Variants in SEM1 observed in about 807,000 individuals in gnomAD.
SEM1 encodes the protein SEM1 26S proteasome subunit.
In SEM1, 3 loss-of-function variants were observed where a neutral mutation model predicts 12.7. The observed-to-expected ratio is 0.24, with a 90% CI of 0.11 to 0.61. The LOEUF (loss-of-function observed/expected upper bound fraction) is 0.61. Ranked by LOEUF, SEM1 falls within the 20% of genes least tolerant of loss-of-function variation. The pLI is 0.88. For missense variants in SEM1, 59 were observed against 81.3 expected (o/e 0.73, Z 1.06); for synonymous variants, 30 against 27.8 (o/e 1.08, Z -0.25).
Position 96,572,963 on chromosome 7 carries a change from C to T in SEM1, c.171-66265G>A, listed in dbSNP as rs529011809. On this transcript the variant is annotated intron_variant and NMD_transcript_variant, in intron 2 of 3. Coordinates refer to the SEM1 transcript ENST00000466986. ...AGAACATGCTTTATGAATCTGGGTGCTCCTGTATAGGGTGCATATATATTT... is the reference window on the plus strand; with the variant it reads ...AGAACATGCTTTATGAATCTGGGTGTTCCTGTATAGGGTGCATATATATTT... Among the ~76,000 whole-genome samples, 5 of 152,314 alleles carry T rather than the reference C, an allele frequency of 3.3e-5. No individual in the cohort carries two copies. The South Asian group carries it at 1.0e-3, about 32-fold the overall frequency.
intron 2 of SEM1, among the ~76,000 whole-genome samples, chr7:96,531,605 GGA>G (rs1804644251): frequency 3.2e-5 from 1 of 30,992 alleles, no homozygotes; most frequent in African/African-American, 4.9e-5. Context: ...GACTCTGTGT[GGA>G]AAAAAAAAAA....
downstream of SEM1, among the ~76,000 whole-genome samples, chr7:96,671,066 T>C (rs1789302931): frequency 6.6e-6 from 1 of 152,196 alleles, no homozygotes; most frequent in Non-Finnish European, 1.5e-5. Flanking sequence ...TTGGGAATAA[T>C]AAACTGCATT....
Position 96,572,881 on chromosome 7 carries a change from G to A in SEM1, c.171-66183C>T, listed in dbSNP as rs10278008. On this transcript the variant is annotated intron_variant and NMD_transcript_variant, in intron 2 of 3. Transcript: ENST00000466986. The stretch of plus-strand genomic sequence containing the variant: ...TGATCTGTCTAATATTGACAGTAGG[G>A]TGTTAAAGTCTCCCACTATTATTTT... Among the ~76,000 whole-genome samples the A allele has an allele frequency of 7.0e-3, 1,073 of 152,236 alleles. 11 individuals are homozygous for A. The highest frequency in any genetic ancestry group is 0.025 in the African/African-American group (1,035 of 41,526).
chr7:96,657,641 G>A (rs957765159), intron 2 of SEM1, among the ~76,000 whole-genome samples: 6 of 152,176 alleles, frequency 3.9e-5, no homozygotes, highest in Non-Finnish European at 8.8e-5. Context: ...AAAGGTAAGA[G>A]TTTAATTAGG....
chr7:96,630,643 C>T (rs1030788531), intron 2 of SEM1, among the ~76,000 whole-genome samples: 1 of 152,148 alleles, frequency 6.6e-6, no homozygotes, highest in Non-Finnish European at 1.5e-5. Flanking sequence ...CAAGGTGGCA[C>T]CTAAGGTGCA....
At chr7:96,673,912 C>T (rs1046932279) in intron 2 of SEM1, 11 of 750,946 alleles carry the variant, frequency 1.5e-5, no homozygotes, top group African/African-American at 1.4e-4. Flanking sequence ...CCACTGTGAT[C>T]TGTGGGCTGC....
At chr7:96,596,553 T>TCC in intron 2 of SEM1, among the ~76,000 whole-genome samples, 1 of 152,136 alleles carries the variant, frequency 6.6e-6, no homozygotes, top group East Asian at 1.9e-4. Flanking sequence ...CAGCCTATTT[T>TCC]CTCCCCGGGT....
Position 96,706,808 on chromosome 7 carries a change from T to C in SEM1, c.76+2880A>G, listed in dbSNP as rs114932917. Among the ~76,000 whole-genome samples the C allele has an allele frequency of 4.5e-3, 688 of 152,262 alleles. 4 individuals carry two copies. Among genetic ancestry groups the C allele is most frequent in the African/African-American group, 0.016 (652 of 41,564 alleles). ...TTACCCGAGAGTGGATAAAATCCAC[T>C]TTCTGGAGCACTGACACTCAACAAA... On this transcript the variant is annotated intron_variant, in intron 1 of 2. Coordinates refer to ENST00000248566, the MANE Select transcript of SEM1 (RefSeq NM_006304.2).
At chr7:96,602,563 C>T (rs904831493) in intron 2 of SEM1, among the ~76,000 whole-genome samples, 1 of 152,168 alleles carries the variant, frequency 6.6e-6, no homozygotes, top group East Asian at 1.9e-4. Flanking sequence ...TATGCCCATG[C>T]ATATAGATAT....
chr7:96,619,696 G>C (rs1563085457), downstream of SEM1, among the ~76,000 whole-genome samples: 1 of 152,008 alleles, frequency 6.6e-6, no homozygotes, highest in Non-Finnish European at 1.5e-5. Flanking sequence ...CAACCACCGG[G>C]ACCCAAGCAG....
intron 2 of SEM1, among the ~76,000 whole-genome samples, chr7:96,594,105 T>G (rs1806921606): frequency 6.6e-6 from 1 of 152,194 alleles, no homozygotes; most frequent in Non-Finnish European, 1.5e-5. Flanking sequence ...CTTTTTTATA[T>G]TTAGATTATT....
chr7:96,484,005 T>A, intron 3 of SEM1: 3 of 1,405,592 alleles, frequency 2.1e-6, no homozygotes, highest in Non-Finnish European at 1.9e-6. Flanking sequence ...AGAAGAATGA[T>A]AAATGCTGTG....
chr7:96,559,095 A>G (rs1274845743), intron 2 of SEM1, among the ~76,000 whole-genome samples: 2 of 152,228 alleles, frequency 1.3e-5, no homozygotes, highest in African/African-American at 4.8e-5. Flanking sequence ...ACCAGTTACT[A>G]TGCTTTAGGG....
chr7:96,639,300 G>C (rs1413540081), intron 2 of SEM1, among the ~76,000 whole-genome samples: 1 of 151,922 alleles, frequency 6.6e-6, no homozygotes, highest in Admixed American at 6.6e-5. Context: ...GAAGAACAAA[G>C]TCAGAGGACA....
intron 1 of SEM1, among the ~76,000 whole-genome samples, chr7:96,494,681 T>C (rs6961285): frequency 0.29 from 43,873 of 151,438 alleles, 7,447 homozygotes; most frequent in Non-Finnish European, 0.39. Context: ...GTCAGATAAG[T>C]GAGAGCTACA....
chr7:96,625,478 T>G (rs1245929163), intron 2 of SEM1, among the ~76,000 whole-genome samples: 1 of 152,204 alleles, frequency 6.6e-6, no homozygotes, highest in African/African-American at 2.4e-5. Context: ...AAAGTCCAGA[T>G]GCTCTTTTGA....
intron 1 of SEM1, among the ~76,000 whole-genome samples, chr7:96,709,302 TG>T (rs1471025953): frequency 2.6e-5 from 4 of 152,172 alleles, no homozygotes; most frequent in African/African-American, 9.7e-5. Context: ...AATTCAATTC[TG>T]GAAAGGTTTA....
chr7:96,618,827 T>G (rs1807797500), downstream of SEM1, among the ~76,000 whole-genome samples: 1 of 152,208 alleles, frequency 6.6e-6, no homozygotes. Flanking sequence ...GGCATGCACA[T>G]GTAGTCCTAC....
At chr7:96,563,764 G>A (rs1350445383) in intron 2 of SEM1, among the ~76,000 whole-genome samples, 1 of 151,944 alleles carries the variant, frequency 6.6e-6, no homozygotes, top group Non-Finnish European at 1.5e-5. Context: ...CAATGGAGAA[G>A]GAAAAATGGA....
Sources: allele counts gnomAD v4.1 joint callset (sites outside exome capture counted in the v4.1 genomes callset), GRCh38; gene constraint gnomAD v4.1.1; transcripts MANE v1.5; gene names NCBI Gene and HGNC (gene_info 2026-07-23, HGNC 2026-07-21).